THSD4: variants seen among roughly 807,000 people sequenced by gnomAD.
THSD4 encodes thrombospondin type-1 domain-containing protein 4.
In THSD4, 69 loss-of-function variants were observed where a neutral mutation model predicts 119.0. The ratio of observed to expected loss-of-function variants is 0.58; its 90% CI spans 0.48 to 0.71. THSD4 has a LOEUF of 0.71. Ranked by LOEUF, THSD4 falls within the 30% of genes least tolerant of loss-of-function variation. THSD4 has a pLI of 0.00. For synonymous variants in THSD4, 524 were observed against 540.4 expected, an observed-to-expected ratio of 0.97 and a Z score of 0.42; for missense variants, 1,393 against 1,391.1, an observed-to-expected ratio of 1.00 and a Z score of -0.02.
chr15:71,261,560 C>T (rs1473095550), intron 6 of THSD4, among the ~76,000 whole-genome samples: 1 of 152,154 alleles, frequency 6.6e-6, no homozygotes, highest in Non-Finnish European at 1.5e-5. Context: ...TTGTTTGGAT[C>T]CTGTTCCCAT....
At chr15:71,724,287 A>ATATATACATATATATATATAT in intron 8 of THSD4, among the ~76,000 whole-genome samples, 2 of 37,288 alleles carry the variant, frequency 5.4e-5, no homozygotes, top group Non-Finnish European at 1.2e-4. Flanking sequence ...ATATATATAT[A>ATATATACATATATATATATAT]TTTTTTTTTT....
chr15:71,215,671 AT>A (rs2043926743), intron 4 of THSD4, among the ~76,000 whole-genome samples: 2 of 152,300 alleles, frequency 1.3e-5, no homozygotes, highest in South Asian at 4.1e-4. Flanking sequence ...CTTAGGAAGA[AT>A]TTTAGGGAGG....
At chr15:71,774,628 A>G (rs1167232361) in intron 17 of THSD4, among the ~76,000 whole-genome samples, 1 of 152,120 alleles carries the variant, frequency 6.6e-6, no homozygotes, top group Non-Finnish European at 1.5e-5. Flanking sequence ...ACAGGGGCAC[A>G]CACATGCAAA....
At chr15:71,721,931 G>A (rs1470422633) in intron 8 of THSD4, among the ~76,000 whole-genome samples, 2 of 147,400 alleles carry the variant, frequency 1.4e-5, no homozygotes, top group African/African-American at 5.0e-5. Flanking sequence ...GAGCTATAAT[G>A]GTGCCACTGC....
In THSD4 at chr15:71,461,167, G is replaced by C. The variant is rs143345268; in HGVS notation, c.1152+49344G>C. Reference sequence around the variant, plus strand: ...TGCAGTCATCTGAAGGCTTAACTGGGGCTGGAAGATTTGTTTGCAAGATGT... The same window carrying C: ...TGCAGTCATCTGAAGGCTTAACTGGCGCTGGAAGATTTGTTTGCAAGATGT... On this transcript the variant is annotated intron_variant, in intron 7 of 17. Transcript: ENST00000261862. 4.6e-5 allele frequency among the ~76,000 whole-genome samples: 7 copies of C among 152,272 alleles called. No homozygotes were observed. The South Asian group carries it at 1.5e-3, about 32-fold the overall frequency.
chr15:71,146,079 T>C (rs2040657812), intron 2 of THSD4, among the ~76,000 whole-genome samples: 2 of 152,220 alleles, frequency 1.3e-5, no homozygotes, highest in Non-Finnish European at 2.9e-5. Context: ...AGGTTGAAAT[T>C]TTCTCTTTCC....
chr15:71,746,356 A>G (rs191322495), intron 12 of THSD4, among the ~76,000 whole-genome samples: 5 of 152,318 alleles, frequency 3.3e-5, no homozygotes, highest in Admixed American at 2.0e-4. Context: ...ATCTGCCTTT[A>G]CAGAGTCAGA....
chr15:71,133,523 A>G (rs948234145), intron 1 of THSD4, among the ~76,000 whole-genome samples: 2 of 152,200 alleles, frequency 1.3e-5, no homozygotes, highest in African/African-American at 4.8e-5. Context: ...CACAAATCAT[A>G]ATGATACGCT....
chr15:71,494,937 T>C (rs1228901513), intron 7 of THSD4, among the ~76,000 whole-genome samples: 1 of 152,242 alleles, frequency 6.6e-6, no homozygotes, highest in East Asian at 1.9e-4. Context: ...GGTGCTCTGA[T>C]GAGGTGCTGG....
At chr15:71,329,950 C>T (rs138961071) in intron 6 of THSD4, among the ~76,000 whole-genome samples, 57 of 152,202 alleles carry the variant, frequency 3.7e-4, no homozygotes, top group African/African-American at 1.1e-3. Context: ...CATAGTGGCA[C>T]GTGCCTGTGG....
chr15:71,337,331 G>A (rs2140382404), intron 6 of THSD4, among the ~76,000 whole-genome samples: 1 of 152,338 alleles, frequency 6.6e-6, no homozygotes, highest in South Asian at 2.1e-4. Context: ...CAGGCCCAAT[G>A]CCCTTGTGGG....
At chr15:71,541,419 G>A (rs1460475172) in intron 7 of THSD4, among the ~76,000 whole-genome samples, 2 of 152,130 alleles carry the variant, frequency 1.3e-5, no homozygotes, top group South Asian at 2.1e-4. Context: ...AATTTTCCTC[G>A]CATTTCTGTC....
intron 6 of THSD4, among the ~76,000 whole-genome samples, chr15:71,382,291 G>A (rs7163333): frequency 0.48 from 72,629 of 151,932 alleles, 18,254 homozygotes; most frequent in East Asian, 0.69. Context: ...AACCTTTCAC[G>A]ATTTCCTATT....
intron 8 of THSD4, among the ~76,000 whole-genome samples, chr15:71,727,531 TAAAAAAAAAAA>T (rs368424121): frequency 1.5e-3 from 24 of 15,698 alleles, no homozygotes; most frequent in African/African-American, 6.1e-3. Flanking sequence ...CCCCATCTCT[TAAAAAAAAAAA>T]AAAAAAAAAA....
chr15:71,143,685 CTTTTTTTTTTCTTTCTTTTTTT>C (rs1567137061), intron 2 of THSD4, among the ~76,000 whole-genome samples: 1 of 114,962 alleles, frequency 8.7e-6, no homozygotes, highest in Admixed American at 8.8e-5. Context: ...TTTTTTCTTT[CTTTTTTTTTTCTTTCTTTTTTT>C]TTTTTTTTTT....
At position 71,451,698 on chromosome 15, in the gene THSD4, G is replaced by A. The variant is rs2047267917; in HGVS notation, c.1152+39875G>A. On this transcript the variant is annotated intron_variant, in intron 7 of 17. Coordinates refer to ENST00000261862, the MANE Select transcript of THSD4 (RefSeq NM_024817.3). ...GGTTTAGATGTCACTTCTGGACTAG[G>A]CCTGTTTTGGAAAACTGCCCTCTCT... Among the ~76,000 whole-genome samples the A allele has an allele frequency of 2.0e-5, 3 of 152,236 alleles. No individual in the cohort carries two copies. In the South Asian group the frequency reaches 6.2e-4, roughly 32 times the overall value.
intron 7 of THSD4, among the ~76,000 whole-genome samples, chr15:71,610,654 T>A (rs2050205973): frequency 6.6e-6 from 1 of 152,216 alleles, no homozygotes; most frequent in Non-Finnish European, 1.5e-5. Context: ...GTGACTTATG[T>A]ACCTGTATAT....
chr15:71,689,299 G>A (rs902616950), intron 8 of THSD4, among the ~76,000 whole-genome samples: 1 of 152,164 alleles, frequency 6.6e-6, no homozygotes, highest in Non-Finnish European at 1.5e-5. Context: ...CGGAAGCAGC[G>A]TCTGTGAAGG....
chr15:71,195,381 G>A (rs1338186460), intron 3 of THSD4, among the ~76,000 whole-genome samples: 1 of 152,184 alleles, frequency 6.6e-6, no homozygotes, highest in African/African-American at 2.4e-5. Flanking sequence ...GGCAGAAATG[G>A]GAAAAGTCCA....
Sources: allele counts gnomAD v4.1 joint callset (sites outside exome capture counted in the v4.1 genomes callset), GRCh38; gene constraint gnomAD v4.1.1; transcripts MANE v1.5; gene names NCBI Gene and HGNC (gene_info 2026-07-23, HGNC 2026-07-21).